The following RALGPS2 variants were observed in gnomAD, a reference collection of about 807,000 sequenced individuals.
RALGPS2 encodes ras-specific guanine nucleotide-releasing factor RalGPS2.
In RALGPS2, 43 loss-of-function variants were observed where a neutral mutation model predicts 86.8. That is an observed-to-expected ratio of 0.50 (90% CI 0.39 to 0.64). The LOEUF (loss-of-function observed/expected upper bound fraction) is 0.64, where lower values mean the gene tolerates loss of function less well. Ranked by LOEUF, RALGPS2 falls within the 30% of genes least tolerant of loss-of-function variation. The pLI, the probability that RALGPS2 is intolerant of heterozygous loss-of-function variation, is 0.00. For missense variants in RALGPS2, 536 were observed against 694.6 expected (o/e 0.77, Z 2.57); for synonymous variants, 243 against 231.3 (o/e 1.05, Z -0.46).
rs1214506415 is a variant in RALGPS2 at position 178,919,876 on chromosome 1, C to T, written c.*3517C>T. 1 of 151,932 alleles carries T rather than the reference C, an allele frequency of 6.6e-6. No homozygotes were observed. The highest frequency in any genetic ancestry group is 1.5e-5 in the Non-Finnish European group (1 of 67,880). 9.4% of individuals were successfully genotyped at this position (151,932 alleles called of 1,614,324 possible). A position where few individuals can be genotyped will look rare whatever the true frequency, so the allele number is the denominator to read the frequency against. ...AAGATAATCTTTAATAAAGCAAATC[C>T]TCTGCTTCAAAGGTTTTTGAAATAA... On this transcript the variant is annotated 3_prime_UTR_variant, in exon 20 of 20. Transcript: ENST00000367635.
intron 4 of RALGPS2, among the ~76,000 whole-genome samples, chr1:178,788,034 C>T (rs1178041106): frequency 1.3e-5 from 2 of 152,120 alleles, no homozygotes; most frequent in Non-Finnish European, 2.9e-5. Flanking sequence ...CTTTTTCTAC[C>T]TTCTGCAACC....
chr1:178,816,853 C>A (rs911046010), intron 6 of RALGPS2, among the ~76,000 whole-genome samples: 3 of 151,762 alleles, frequency 2.0e-5, no homozygotes, highest in African/African-American at 7.3e-5. Flanking sequence ...AGATTACAGG[C>A]ATGCACCACC....
At chr1:178,729,016 A>G (rs2773081) in intron 1 of RALGPS2, among the ~76,000 whole-genome samples, 152,181 of 152,356 alleles carry the variant, frequency 1, 76,003 homozygotes, top group Middle Eastern at 1. Flanking sequence ...AGCTTGAGGA[A>G]GCTTGGCCGT....
At position 178,921,463 on chromosome 1, in the gene RALGPS2, G is replaced by T. The variant is rs969167852; in HGVS notation, c.*5104G>T. The T allele has an allele frequency of 6.9e-6, 1 of 144,998 alleles. No individual in the cohort carries two copies. Among genetic ancestry groups the T allele is most frequent in the African/African-American group, 2.5e-5 (1 of 39,656 alleles). The allele number at this position is 144,998 out of a possible 1,614,324, so 9.0% of individuals were successfully genotyped here. A position where few individuals can be genotyped will look rare whatever the true frequency, so the allele number is the denominator to read the frequency against. On this transcript the variant is annotated 3_prime_UTR_variant, in exon 20 of 20. Transcript: ENST00000367635. ...AGACTCTCAAGAGTTTCTGTACCTT[G>T]ATTATTGACAAATTCATTGTTTTAC...
At position 178,919,531 on chromosome 1, in the gene RALGPS2, C is replaced by G. The variant is rs1475023637; in HGVS notation, c.*3172C>G. The G allele has an allele frequency of 6.6e-6, 1 of 152,010 alleles. No homozygotes were observed. Among genetic ancestry groups the G allele is most frequent in the African/African-American group, 2.4e-5 (1 of 41,442 alleles). 9.4% of individuals were successfully genotyped at this position (152,010 alleles called of 1,614,324 possible). Reference sequence around the variant, plus strand: ...AGAATGGAAAACATGTTTACAGACTCTAGCTTTCCTTATTAGCTTAAACTG... The same window carrying G: ...AGAATGGAAAACATGTTTACAGACTGTAGCTTTCCTTATTAGCTTAAACTG... On this transcript the variant is annotated 3_prime_UTR_variant, in exon 20 of 20. Coordinates refer to ENST00000367635, the MANE Select transcript of RALGPS2 (RefSeq NM_152663.5).
intron 8 of RALGPS2, among the ~76,000 whole-genome samples, chr1:178,871,539 G>T (rs1261364589): frequency 6.6e-6 from 1 of 151,954 alleles, no homozygotes; most frequent in Non-Finnish European, 1.5e-5. Flanking sequence ...TGCTAATGAA[G>T]GTTTTAAACT....
intron 1 of RALGPS2, among the ~76,000 whole-genome samples, chr1:178,728,365 T>C (rs1053839963): frequency 6.6e-6 from 1 of 151,062 alleles, no homozygotes; most frequent in Admixed American, 6.6e-5. Flanking sequence ...TTTTCTTTTG[T>C]GAGTTAAACT....
intron 17 of RALGPS2, among the ~76,000 whole-genome samples, chr1:178,900,478 GT>G (rs1036295208): frequency 6.6e-6 from 1 of 151,890 alleles, no homozygotes; most frequent in African/African-American, 2.4e-5. Flanking sequence ...AATTGGTATT[GT>G]TTTTGTGGTG....
In RALGPS2 at chr1:178,893,989, A is replaced by C. The variant is rs959518655; in HGVS notation, c.1396A>C (p.Arg466=). The C allele has an allele frequency of 3.7e-6, 6 of 1,606,996 alleles. No homozygotes were observed. The highest frequency in any genetic ancestry group is 1.7e-5 in the Admixed American group (1 of 59,374). ...GAVTIQGVLR[R]KTLLKEGKKP... is the part of the protein sequence containing the mutation. ...TGTTACTATTCAAGGTGTTCTCAGGAGAAAAACTTTGTTAAAAGAAGGCAA... is the reference window on the plus strand; with the variant it reads ...TGTTACTATTCAAGGTGTTCTCAGGCGAAAAACTTTGTTAAAAGAAGGCAA... The change falls in exon 16 of 20, where the codon AGA becomes CGA. Residue 466 remains arginine, a synonymous_variant. Transcript: ENST00000367635.
rs981877366 is a variant in RALGPS2, at chr1:178,886,203, C to G, written c.1192+83C>G. The G allele has an allele frequency of 3.6e-6, 5 of 1,395,968 alleles. No homozygotes were observed. The African/African-American group carries it at 7.4e-5, about 21-fold the overall frequency. The allele number at this position is 1,395,968 out of a possible 1,614,324, so 86.5% of individuals were successfully genotyped here. A position where few individuals can be genotyped will look rare whatever the true frequency, so the allele number is the denominator to read the frequency against. The stretch of plus-strand genomic sequence containing the variant: ...AACTTGGCTGGAAAAAAACCCCACC[C>G]ACACACAGAGAAAATTTGGTTAAAA... On this transcript the variant is annotated intron_variant, in intron 13 of 19. Transcript: ENST00000367635.
chr1:178,825,276 G>T (rs1157553400), intron 7 of RALGPS2, among the ~76,000 whole-genome samples: 1 of 152,090 alleles, frequency 6.6e-6, no homozygotes, highest in African/African-American at 2.4e-5. Context: ...TAGCACAAGA[G>T]GTGAAAGACG....
At chr1:178,874,228 G>A (rs768877461) in intron 8 of RALGPS2, among the ~76,000 whole-genome samples, 1 of 152,134 alleles carries the variant, frequency 6.6e-6, no homozygotes, top group Non-Finnish European at 1.5e-5. Context: ...CAGTATTGAT[G>A]ATGTCGTAGT....
At chr1:178,874,192 G>A (rs188897999) in intron 8 of RALGPS2, among the ~76,000 whole-genome samples, 1 of 152,312 alleles carries the variant, frequency 6.6e-6, no homozygotes, top group East Asian at 1.9e-4. Context: ...AGATGAAGTA[G>A]AGAAGGAACA....
chr1:178,903,350 T>C (rs1660256943), intron 18 of RALGPS2, among the ~76,000 whole-genome samples: 1 of 152,122 alleles, frequency 6.6e-6, no homozygotes, highest in African/African-American at 2.4e-5. Flanking sequence ...TACACCCTAC[T>C]CAACATTTTT....
At chr1:178,751,047 A>G (rs549585452) in intron 1 of RALGPS2, among the ~76,000 whole-genome samples, 2 of 152,290 alleles carry the variant, frequency 1.3e-5, no homozygotes, top group South Asian at 4.1e-4. Flanking sequence ...ATTAAAGTAC[A>G]TTTATTTCCA....
At chr1:178,886,886 A>G (rs1659508005) in intron 13 of RALGPS2, among the ~76,000 whole-genome samples, 1 of 152,158 alleles carries the variant, frequency 6.6e-6, no homozygotes, top group Non-Finnish European at 1.5e-5. Context: ...CTAAGATGAG[A>G]ATGGGGAATT....
At chr1:178,766,633 TC>T (rs1652522220) in intron 1 of RALGPS2, among the ~76,000 whole-genome samples, 1 of 152,172 alleles carries the variant, frequency 6.6e-6, no homozygotes, top group South Asian at 2.1e-4. Context: ...CTGATGGGGT[TC>T]CCTTTTTAGA....
chr1:178,773,157 A>G (rs572335948), intron 1 of RALGPS2, among the ~76,000 whole-genome samples: 4 of 152,280 alleles, frequency 2.6e-5, no homozygotes, highest in African/African-American at 9.6e-5. Context: ...TTTATAGATG[A>G]TGATGTAATA....
At chr1:178,846,692 T>C (rs1479004651) in intron 8 of RALGPS2, among the ~76,000 whole-genome samples, 1 of 152,178 alleles carries the variant, frequency 6.6e-6, no homozygotes, top group Non-Finnish European at 1.5e-5. Flanking sequence ...TCTAAAAAAA[T>C]AAGAACAGCA....
Sources: allele counts gnomAD v4.1 joint callset (sites outside exome capture counted in the v4.1 genomes callset), GRCh38; gene constraint gnomAD v4.1.1; transcripts MANE v1.5; gene names NCBI Gene and HGNC (gene_info 2026-07-23, HGNC 2026-07-21).